GRIN2A: variants seen among roughly 807,000 people sequenced by gnomAD.
The protein encoded by GRIN2A is glutamate ionotropic receptor NMDA type subunit 2A, also known as glutamate receptor ionotropic, NMDA 2A.
GRIN2A carries 22 observed loss-of-function variants against 113.4 expected under a neutral mutation model. The observed-to-expected ratio is 0.19, with a 90% CI of 0.14 to 0.28. The LOEUF (loss-of-function observed/expected upper bound fraction) is 0.28. Ranked by LOEUF, GRIN2A falls within the 10% of genes least tolerant of loss-of-function variation. The pLI is 1.00. For missense variants in GRIN2A, 1,502 were observed against 1,887.0 expected, an observed-to-expected ratio of 0.80 and a Z score of 3.78; for synonymous variants, 827 against 738.4, an observed-to-expected ratio of 1.12 and a Z score of -1.94.
chr16:9,797,824 T>C (rs1049718268), intron 11 of GRIN2A, among the ~76,000 whole-genome samples: 2 of 152,212 alleles, frequency 1.3e-5, no homozygotes, highest in African/African-American at 4.8e-5. Flanking sequence ...TTCCTGCATC[T>C]TCTGGCCCTG....
At chr16:10,149,282 C>A (rs1233678238) in intron 2 of GRIN2A, among the ~76,000 whole-genome samples, 1 of 152,084 alleles carries the variant, frequency 6.6e-6, no homozygotes, top group African/African-American at 2.4e-5. Context: ...TCACATTTAC[C>A]CTGATATGAT....
upstream of GRIN2A, chr16:10,182,536 G>A (rs2050291452): frequency 6.6e-6 from 1 of 152,194 alleles, no homozygotes; most frequent in Non-Finnish European, 1.5e-5. Flanking sequence ...CGAGGGAGGT[G>A]GATCTTTCCC....
chr16:9,970,693 C>G (rs549067410), intron 2 of GRIN2A: 1 of 772,476 alleles, frequency 1.3e-6, no homozygotes, highest in Non-Finnish European at 1.6e-6. Context: ...GAGCTAGACA[C>G]AAAGTTAGGT....
intron 2 of GRIN2A, among the ~76,000 whole-genome samples, chr16:9,982,605 A>G (rs1303127171): frequency 6.6e-6 from 1 of 152,218 alleles, no homozygotes; most frequent in Non-Finnish European, 1.5e-5. Flanking sequence ...AGGGTTACCA[A>G]TTAGTTATCT....
chr16:10,062,550 G>A (rs1226018402), intron 2 of GRIN2A, among the ~76,000 whole-genome samples: 1 of 152,128 alleles, frequency 6.6e-6, no homozygotes, highest in Non-Finnish European at 1.5e-5. Context: ...ACACACTAAA[G>A]TTTGAAAAAC....
intron 2 of GRIN2A, among the ~76,000 whole-genome samples, chr16:10,049,658 C>A (rs974450635): frequency 2.0e-5 from 3 of 152,306 alleles, no homozygotes; most frequent in South Asian, 2.1e-4. Flanking sequence ...GGATTACAGG[C>A]ATGAGTCACC....
chr16:9,856,391 C>T (rs534111786), intron 4 of GRIN2A, among the ~76,000 whole-genome samples: 142 of 151,978 alleles, frequency 9.3e-4, no homozygotes, highest in African/African-American at 3.1e-3. Flanking sequence ...GAGGCTGAGG[C>T]GGGTAGATCA....
chr16:10,033,422 A>G (rs2046966250), intron 2 of GRIN2A, among the ~76,000 whole-genome samples: 1 of 152,234 alleles, frequency 6.6e-6, no homozygotes, highest in Non-Finnish European at 1.5e-5. Context: ...ACAACAAGCA[A>G]GAAAATTGGC....
intron 12 of GRIN2A, among the ~76,000 whole-genome samples, chr16:9,766,508 C>A (rs1344954713): frequency 2.0e-5 from 3 of 152,180 alleles, no homozygotes; most frequent in African/African-American, 7.2e-5. Flanking sequence ...AGGCTCAGGG[C>A]ACTGGCATTA....
chr16:10,069,445 C>A (rs1007873300), intron 2 of GRIN2A, among the ~76,000 whole-genome samples: 1 of 152,184 alleles, frequency 6.6e-6, no homozygotes, highest in African/African-American at 2.4e-5. Context: ...ACACACCAGG[C>A]TCAAGTGGTA....
chr16:10,103,448 A>C (rs1596508287), intron 2 of GRIN2A, among the ~76,000 whole-genome samples: 1 of 152,220 alleles, frequency 6.6e-6, no homozygotes, highest in South Asian at 2.1e-4. Flanking sequence ...ATACAAGAAG[A>C]ATCTCAGCCA....
At chr16:9,810,324 T>C (rs1038253987) in intron 10 of GRIN2A, among the ~76,000 whole-genome samples, 2 of 152,098 alleles carry the variant, frequency 1.3e-5, no homozygotes, top group African/African-American at 4.8e-5. Flanking sequence ...GAGGACAGCC[T>C]CCACTGGCAG....
intron 2 of GRIN2A, among the ~76,000 whole-genome samples, chr16:10,122,862 C>T (rs555071014): frequency 1.1e-4 from 17 of 152,216 alleles, no homozygotes; most frequent in Non-Finnish European, 1.9e-4. Context: ...TCAAACAGAA[C>T]GACATACATC....
At chr16:9,842,317 T>G (rs989890662) in intron 5 of GRIN2A, among the ~76,000 whole-genome samples, 4 of 152,106 alleles carry the variant, frequency 2.6e-5, no homozygotes, top group Admixed American at 6.5e-5. Flanking sequence ...TAGCAAAAAG[T>G]ACTTAGACAA....
At chr16:10,062,087 C>T (rs1302357190) in intron 2 of GRIN2A, among the ~76,000 whole-genome samples, 1 of 152,178 alleles carries the variant, frequency 6.6e-6, no homozygotes, top group African/African-American at 2.4e-5. Flanking sequence ...AAATGAATGG[C>T]TGAACTGGGA....
intron 2 of GRIN2A, among the ~76,000 whole-genome samples, chr16:10,026,909 C>T (rs1419597555): frequency 6.6e-6 from 1 of 152,208 alleles, no homozygotes; most frequent in Admixed American, 6.5e-5. Context: ...ATCAAGTTCT[C>T]TCCTATTCCA....
chr16:10,117,611 G>C (rs1161697285), intron 2 of GRIN2A, among the ~76,000 whole-genome samples: 2 of 152,058 alleles, frequency 1.3e-5, no homozygotes, highest in Non-Finnish European at 2.9e-5. Context: ...AACCATCCCC[G>C]AACTGTTCAC....
intron 9 of GRIN2A, among the ~76,000 whole-genome samples, chr16:9,825,335 C>A (rs1033675258): frequency 4.6e-5 from 7 of 152,186 alleles, no homozygotes; most frequent in African/African-American, 1.7e-4. Flanking sequence ...GGATAGATCA[C>A]CTGTTGTTAC....
In GRIN2A at chr16:10,109,180, A is replaced by G. The variant is rs151055835; in HGVS notation, c.414+70818T>C. On this transcript the variant is annotated intron_variant, in intron 2 of 12. Transcript: ENST00000330684. The stretch of plus-strand genomic sequence containing the variant: ...ATTTGACAACCTAGATGAAATGGAC[A>G]AATTCCTGGAAAGATACAAATTACC... 1.8e-4 allele frequency among the ~76,000 whole-genome samples: 27 copies of G among 152,236 alleles called. No homozygotes were observed. In the East Asian group the frequency reaches 1.9e-3, roughly 11 times the overall value.
Sources: allele counts gnomAD v4.1 joint callset (sites outside exome capture counted in the v4.1 genomes callset), GRCh38; gene constraint gnomAD v4.1.1; transcripts MANE v1.5; gene names NCBI Gene and HGNC (gene_info 2026-07-23, HGNC 2026-07-21).